MARCHF1: variants seen among roughly 807,000 people sequenced by gnomAD.
MARCHF1 encodes the protein membrane associated ring-CH-type finger 1.
In MARCHF1, 40 loss-of-function variants were observed where a neutral mutation model predicts 54.2. The observed-to-expected ratio is 0.74, with a 90% CI of 0.57 to 0.96. The LOEUF is 0.96. MARCHF1 is among the 40% of genes least tolerant of loss of function. MARCHF1 has a pLI of 0.00. For missense variants in MARCHF1, 586 were observed against 656.5 expected, an observed-to-expected ratio of 0.89 and a Z score of 1.17; for synonymous variants, 236 against 236.3, an observed-to-expected ratio of 1.00 and a Z score of 0.01.
At chr4:164,323,333 A>G (rs1302833406) in intron 1 of MARCHF1, among the ~76,000 whole-genome samples, 4 of 151,758 alleles carry the variant, frequency 2.6e-5, no homozygotes, top group Non-Finnish European at 5.9e-5. Flanking sequence ...ACACTATCTG[A>G]GAATAATTGA....
chr4:164,273,678 G>A lies in MARCHF1; in HGVS notation c.-323+110192C>T, dbSNP rs367975212. ...TTAGAGAAGATTCAAGTGACTGACGGATCTTAAACAGAGCTATTATTACAA... is the reference window on the plus strand; with the variant it reads ...TTAGAGAAGATTCAAGTGACTGACGAATCTTAAACAGAGCTATTATTACAA... On this transcript the variant is annotated intron_variant, in intron 1 of 9. Coordinates refer to ENST00000514618, the MANE Select transcript of MARCHF1 (RefSeq NM_001394959.1). Among the ~76,000 whole-genome samples, 14 of 152,282 alleles carry A rather than the reference G, an allele frequency of 9.2e-5. No individual in the cohort carries two copies. In the East Asian group the frequency reaches 1.2e-3, roughly 13 times the overall value.
At chr4:164,075,968 T>C (rs904181643) in intron 2 of MARCHF1, among the ~76,000 whole-genome samples, 5 of 152,164 alleles carry the variant, frequency 3.3e-5, no homozygotes, top group East Asian at 1.9e-4. Flanking sequence ...CCCAAATTCA[T>C]GTCAACAGGA....
At chr4:163,857,463 A>C (rs1749800230) in intron 3 of MARCHF1, among the ~76,000 whole-genome samples, 1 of 152,158 alleles carries the variant, frequency 6.6e-6, no homozygotes, top group Non-Finnish European at 1.5e-5. Context: ...AGCACTTTAA[A>C]ATGTAAGTAT....
chr4:164,226,883 T>G (rs999379117), intron 1 of MARCHF1, among the ~76,000 whole-genome samples: 2 of 152,028 alleles, frequency 1.3e-5, no homozygotes, highest in Admixed American at 1.3e-4. Context: ...GTGATGAAAA[T>G]ACCAAAATGC....
chr4:163,735,318 G>A (rs1021367423), intron 4 of MARCHF1, among the ~76,000 whole-genome samples: 1 of 152,192 alleles, frequency 6.6e-6, no homozygotes, highest in South Asian at 2.1e-4. Context: ...ATTAGAATGT[G>A]AGAGCCATGG....
At chr4:163,981,606 G>C (rs1752764797) in intron 3 of MARCHF1, among the ~76,000 whole-genome samples, 1 of 152,130 alleles carries the variant, frequency 6.6e-6, no homozygotes, top group African/African-American at 2.4e-5. Context: ...ATGAGCTGGG[G>C]GGAAAGCAAT....
chr4:164,124,817 G>A (rs1180926906), intron 1 of MARCHF1, among the ~76,000 whole-genome samples: 1 of 152,060 alleles, frequency 6.6e-6, no homozygotes, highest in Non-Finnish European at 1.5e-5. Flanking sequence ...GGGACAGTTA[G>A]TGTGCACTTT....
chr4:164,244,987 G>A (rs981378175), intron 1 of MARCHF1, among the ~76,000 whole-genome samples: 2 of 152,292 alleles, frequency 1.3e-5, no homozygotes, highest in African/African-American at 4.8e-5. Context: ...GCCAAAAAGA[G>A]TCCAGGACCA....
chr4:164,213,096 T>A (rs1265941053), intron 1 of MARCHF1, among the ~76,000 whole-genome samples: 1 of 152,036 alleles, frequency 6.6e-6, no homozygotes, highest in African/African-American at 2.4e-5. Flanking sequence ...TGTGTGCTTA[T>A]GTCATATATG....
At position 164,007,345 on chromosome 4, in the gene MARCHF1, C is replaced by CAA. The variant is rs56306052; in HGVS notation, c.-247-18638_-247-18637dup. Among the ~76,000 whole-genome samples, 216 of 81,742 alleles carry CAA rather than the reference C, an allele frequency of 2.6e-3. 11 individuals are homozygous for CAA. The highest frequency in any genetic ancestry group is 8.0e-3 in the African/African-American group (134 of 16,710). The allele number at this position is 81,742 out of a possible 152,430, so 53.6% of individuals were successfully genotyped here. A position where few individuals can be genotyped will look rare whatever the true frequency, so the allele number is the denominator to read the frequency against. On this transcript the variant is annotated intron_variant, in intron 2 of 9. Transcript: ENST00000514618. The stretch of plus-strand genomic sequence containing the variant: ...TGGGCGACAGAGCGAGACTCCATCT[C>CAA]AAAAAAAAAAAAAAAAAAAAAAAAA...
intron 1 of MARCHF1, among the ~76,000 whole-genome samples, chr4:164,177,453 T>C (rs1335604243): frequency 1.3e-5 from 2 of 152,056 alleles, no homozygotes. Context: ...GGCTTGTGAA[T>C]GACAAAGGAG....
intron 5 of MARCHF1, among the ~76,000 whole-genome samples, chr4:163,699,328 A>C (rs536902778): frequency 6.6e-6 from 1 of 152,344 alleles, no homozygotes; most frequent in Admixed American, 6.5e-5. Context: ...TGGTCTCCCT[A>C]TGGAGGAATG....
At chr4:163,616,194 C>A (rs1741503407) in intron 5 of MARCHF1, among the ~76,000 whole-genome samples, 1 of 152,038 alleles carries the variant, frequency 6.6e-6, no homozygotes, top group Non-Finnish European at 1.5e-5. Flanking sequence ...AAAGCACAGA[C>A]AACAAAAAAC....
intron 5 of MARCHF1, among the ~76,000 whole-genome samples, chr4:163,654,193 T>C (rs1306975593): frequency 1.3e-5 from 2 of 151,734 alleles, no homozygotes; most frequent in East Asian, 1.9e-4. Context: ...GGATTCATTG[T>C]TCACCTTGAT....
At position 164,065,014 on chromosome 4, in the gene MARCHF1, T is replaced by C. The variant is rs186200035; in HGVS notation, c.-248+46574A>G. The stretch of plus-strand genomic sequence containing the variant: ...AGGGATAAAGCCAGCTTGATCATAG[T>C]GGGTGAGCTTTTTGATGTGTTGCTG... On this transcript the variant is annotated intron_variant, in intron 2 of 9. Coordinates refer to ENST00000514618, the MANE Select transcript of MARCHF1 (RefSeq NM_001394959.1). Among the ~76,000 whole-genome samples, 246 of 152,290 alleles carry C rather than the reference T, an allele frequency of 1.6e-3. 1 individual carries two copies. The highest frequency in any genetic ancestry group is 3.0e-3 in the Non-Finnish European group (201 of 68,010).
chr4:164,061,885 T>C (rs1250740394), intron 2 of MARCHF1, among the ~76,000 whole-genome samples: 1 of 152,180 alleles, frequency 6.6e-6, no homozygotes, highest in Non-Finnish European at 1.5e-5. Context: ...GGCTAGTGGT[T>C]GTTGCAGACT....
At chr4:164,276,471 T>C (rs72989546) in intron 1 of MARCHF1, among the ~76,000 whole-genome samples, 7,411 of 152,072 alleles carry the variant, frequency 0.049, 496 homozygotes, top group African/African-American at 0.15. Context: ...CTGGGCATTA[T>C]ATACACATAT....
intron 4 of MARCHF1, among the ~76,000 whole-genome samples, chr4:163,719,311 G>C: frequency 6.6e-6 from 1 of 152,010 alleles, no homozygotes; most frequent in East Asian, 1.9e-4. Context: ...ATAGTTTGCT[G>C]AGACTGATGG....
intron 1 of MARCHF1, among the ~76,000 whole-genome samples, chr4:164,352,392 A>T (rs200256353): frequency 4.2e-5 from 6 of 142,544 alleles, no homozygotes; most frequent in Admixed American, 7.1e-5. Context: ...AGGGAAGCCC[A>T]TCAGACTAAC....
Sources: allele counts gnomAD v4.1 joint callset (sites outside exome capture counted in the v4.1 genomes callset), GRCh38; gene constraint gnomAD v4.1.1; transcripts MANE v1.5; gene names NCBI Gene and HGNC (gene_info 2026-07-23, HGNC 2026-07-21).